The following IL2RB variants were observed in gnomAD, a reference collection of about 807,000 sequenced individuals.
IL2RB encodes interleukin-2 receptor subunit beta.
IL2RB carries 17 observed loss-of-function variants against 44.2 expected under a neutral mutation model. That is an observed-to-expected ratio of 0.38 (90% confidence interval 0.26 to 0.58). The LOEUF (loss-of-function observed/expected upper bound fraction) is 0.58, where lower values mean the gene tolerates loss of function less well. Among genes scored for constraint, IL2RB ranks in the 20% least tolerant of loss-of-function variants. The pLI, the probability that IL2RB is intolerant of heterozygous loss-of-function variation, is 0.63. For missense variants in IL2RB, 624 were observed against 685.5 expected (o/e 0.91, Z 1.00); for synonymous variants, 286 against 297.9 (o/e 0.96, Z 0.41).
intron 1 of IL2RB, among the ~76,000 whole-genome samples, chr22:37,172,460 A>T (rs1274352336): frequency 6.6e-6 from 1 of 152,056 alleles, no homozygotes; most frequent in Admixed American, 6.5e-5. Context: ...GGAGCCGTCA[A>T]CCATCCAATA....
chr22:37,132,363 C>T, intron 9 of IL2RB, 21 bp downstream of exon 9: 1 of 1,605,746 alleles, frequency 6.2e-7, no homozygotes, highest in Non-Finnish European at 8.5e-7. Context: ...CCACCTCTGT[C>T]TCCCCGCCCC....
At chr22:37,156,559 T>C (rs575195460) in intron 1 of IL2RB, among the ~76,000 whole-genome samples, 4 of 152,136 alleles carry the variant, frequency 2.6e-5, no homozygotes, top group Non-Finnish European at 4.4e-5. Context: ...GCTCCACCCA[T>C]CACCTCTGCG....
intron 1 of IL2RB, among the ~76,000 whole-genome samples, chr22:37,163,615 A>T (rs1218555780): frequency 1.3e-5 from 2 of 152,060 alleles, no homozygotes; most frequent in East Asian, 3.9e-4. Flanking sequence ...GGGAGGAGGG[A>T]CTCTTCTCAG....
rs369955430 is a variant in IL2RB at position 37,172,306 on chromosome 22, C to G, written c.-34+2652G>C. ...GCAGGAAGGAAAAGCCAGGGTAGCC[C>G]CAGCTCCTTGGCGCCCGCTGTGCTT... On this transcript the variant is annotated intron_variant, in intron 1 of 5. Coordinates refer to the IL2RB transcript ENST00000429622. 1.5e-4 allele frequency among the ~76,000 whole-genome samples: 23 copies of G among 152,242 alleles called. No individual in the cohort carries two copies. In the East Asian group the frequency reaches 2.5e-3, roughly 17 times the overall value.
upstream of IL2RB, among the ~76,000 whole-genome samples, chr22:37,153,276 G>A (rs144946389): frequency 3.4e-3 from 509 of 151,624 alleles, 3 homozygotes; most frequent in African/African-American, 0.012. Context: ...AGCAGAGACG[G>A]CAGCTCTGCA....
intron 4 of IL2RB, among the ~76,000 whole-genome samples, chr22:37,139,573 T>C (rs1452167749): frequency 6.6e-6 from 1 of 152,154 alleles, no homozygotes. Context: ...TGATCTAAAA[T>C]GAAGTGAGCT....
At position 37,128,902 on chromosome 22, in the gene IL2RB, C is replaced by G. The variant is rs1182278765; in HGVS notation, c.904-54G>C. 2 of 1,542,550 alleles carry G rather than the reference C, an allele frequency of 1.3e-6. No individual in the cohort carries two copies. Among genetic ancestry groups the G allele is most frequent in the African/African-American group, 2.7e-5 (2 of 73,424 alleles). On this transcript the variant is annotated intron_variant, in intron 9 of 9. Transcript: ENST00000216223. The surrounding 1 kb of genome is among the most constrained non-coding windows in gnomAD (Gnocchi z 4.5). ...AGTGGGGGCTTCCTTCACCCTCCAC[C>G]CCTTCCTCTGGACTCTCAACAGCTC...
Position 37,132,312 on chromosome 22 carries a change from G to C in IL2RB, c.903+72C>G, listed in dbSNP as rs115544311. On this transcript the variant is annotated intron_variant, in intron 9 of 9. Coordinates refer to ENST00000216223, the MANE Select transcript of IL2RB (RefSeq NM_000878.5). ...TCTCCTCTCACAAAACACAAAATTAGCTACTAACCTGCCACCCCCTCATCC... is the reference window on the plus strand; with the variant it reads ...TCTCCTCTCACAAAACACAAAATTACCTACTAACCTGCCACCCCCTCATCC... 1.1e-3 allele frequency: 1,255 copies of C among 1,181,108 alleles called. 14 individuals carry two copies. In the African/African-American group the frequency reaches 0.018, roughly 17 times the overall value. The allele number at this position is 1,181,108 out of a possible 1,614,324, so 73.2% of individuals were successfully genotyped here. A position where few individuals can be genotyped will look rare whatever the true frequency, so the allele number is the denominator to read the frequency against.
chr22:37,145,835 T>C (rs1451829287), intron 1 of IL2RB, among the ~76,000 whole-genome samples: 1 of 151,970 alleles, frequency 6.6e-6, no homozygotes, highest in Non-Finnish European at 1.5e-5. Context: ...GCGTTGGGCA[T>C]TTCCCCCGCT....
At chr22:37,148,189 G>A (rs1249822245) in intron 1 of IL2RB, among the ~76,000 whole-genome samples, 2 of 151,124 alleles carry the variant, frequency 1.3e-5, no homozygotes, top group African/African-American at 5.0e-5. Context: ...GGAGCTCAGA[G>A]GTGCAGCGAT....
chr22:37,158,895 A>G (rs1037903590), intron 1 of IL2RB, among the ~76,000 whole-genome samples: 9 of 152,164 alleles, frequency 5.9e-5, no homozygotes, highest in Non-Finnish European at 1.2e-4. Context: ...CGTCTTCACT[A>G]TGCTGAGAGC....
At position 37,135,438 on chromosome 22, in the gene IL2RB, A is replaced by C; in HGVS notation, c.708T>G (p.Leu236=). 1 of 1,607,418 alleles carries C rather than the reference A, an allele frequency of 6.2e-7. No homozygotes were observed. Among genetic ancestry groups the C allele is most frequent in the Non-Finnish European group, 8.5e-7 (1 of 1,174,034 alleles). The change falls in exon 8 of 10, where the codon CTT becomes CTG. Residue 236 remains leucine (L), a synonymous_variant. Coordinates refer to ENST00000216223, the MANE Select transcript of IL2RB (RefSeq NM_000878.5). ...PLAFRTKPAA[L]GKDTIPWLGH... ...CGAGCCACGGAATGGTGTCCTTCCC[A>C]AGGGCTGCCCAGGGGTGGGAGAAAC... is the stretch of plus-strand genomic sequence containing the variant.
chr22:37,158,397 T>C (rs1317488353), intron 1 of IL2RB, among the ~76,000 whole-genome samples: 2 of 151,546 alleles, frequency 1.3e-5, no homozygotes, highest in Non-Finnish European at 2.9e-5. Context: ...AAAATAAAAA[T>C]TAAAAAAAAA....
chr22:37,139,869 C>T (rs1921880742), intron 4 of IL2RB, among the ~76,000 whole-genome samples: 1 of 152,222 alleles, frequency 6.6e-6, no homozygotes, highest in African/African-American at 2.4e-5. Flanking sequence ...GGTCAAGGGA[C>T]CTGCGCCAGG....
In IL2RB at chr22:37,128,856, G is replaced by A; in HGVS notation, c.904-8C>T. 3.8e-6 allele frequency: 6 copies of A among 1,591,408 alleles called. No homozygotes were observed. The highest frequency in any genetic ancestry group is 2.3e-5 in the South Asian group (2 of 88,262). On this transcript the variant is annotated splice_region_variant and splice_polypyrimidine_tract_variant and intron_variant, in intron 9 of 9. Transcript: ENST00000216223. This position sits in a 1 kb window ranked among gnomAD's most constrained non-coding sequence, Gnocchi z 4.5. ...GGGCGAAGAGAGCCACTTCTGGTGG[G>A]AGAAAGGCCAGGGGTGGGTGAGTGG...
chr22:37,142,661 G>T, intron 3 of IL2RB, 149 bp from the exon 4 acceptor site: 1 of 752,482 alleles, frequency 1.3e-6, no homozygotes. Context: ...GAGGGGCACT[G>T]CCTCCCCCAC....
intron 1 of IL2RB, among the ~76,000 whole-genome samples, chr22:37,147,896 G>T (rs1922301159): frequency 6.6e-6 from 1 of 152,248 alleles, no homozygotes; most frequent in Admixed American, 6.5e-5. Context: ...CCAACCAGGG[G>T]ACTCCCATAG....
chr22:37,168,791 C>A (rs865931115), intron 1 of IL2RB, among the ~76,000 whole-genome samples: 1 of 152,196 alleles, frequency 6.6e-6, no homozygotes, highest in African/African-American at 2.4e-5. Context: ...AGTTGGGGAA[C>A]AACAATTATC....
At chr22:37,161,516 T>C (rs1922872538) in intron 1 of IL2RB, among the ~76,000 whole-genome samples, 1 of 151,912 alleles carries the variant, frequency 6.6e-6, no homozygotes, top group Non-Finnish European at 1.5e-5. Context: ...AAGCCTCCAT[T>C]CCAGACCTCA....
Sources: gnomAD v4.1 joint callset for allele counts (sites outside exome capture counted in the v4.1 genomes callset) on GRCh38, gnomAD v4.1.1 for gene constraint, Gnocchi (gnomAD v3.1) non-coding constraint, MANE v1.5 for transcripts, NCBI Gene and HGNC (gene_info 2026-07-23, HGNC 2026-07-21) for gene names.